The following ZFHX3 variants were observed in gnomAD, a reference collection of about 807,000 sequenced individuals.
The protein encoded by ZFHX3 is zinc finger homeobox 3, also known as zinc finger homeobox protein 3.
In ZFHX3, 42 loss-of-function variants were observed where a neutral mutation model predicts 279.1. The ratio of observed to expected loss-of-function variants is 0.15; its 90% confidence interval spans 0.12 to 0.19. The LOEUF (loss-of-function observed/expected upper bound fraction) is 0.19, where lower values mean the gene tolerates loss of function less well. ZFHX3 is among the 10% of genes least tolerant of loss of function. The pLI is 1.00. For synonymous variants in ZFHX3, 2,293 were observed against 1,957.8 expected, an observed-to-expected ratio of 1.17 and a Z score of -4.52; for missense variants, 4,981 against 4,754.0, an observed-to-expected ratio of 1.05 and a Z score of -1.40.
chr16:73,559,324 G>A (rs185516210), intron 2 of ZFHX3, among the ~76,000 whole-genome samples: 3 of 152,114 alleles, frequency 2.0e-5, no homozygotes, highest in Middle Eastern at 6.8e-3. Context: ...TTGGGATTAC[G>A]ATCATGAGCC....
intron 1 of ZFHX3, among the ~76,000 whole-genome samples, chr16:73,691,537 T>G (rs2053149924): frequency 6.6e-6 from 1 of 152,216 alleles, no homozygotes; most frequent in Non-Finnish European, 1.5e-5. Context: ...TTCAAAATAG[T>G]TGTAATAACA....
chr16:73,327,024 T>C (rs1235248586), intron 3 of ZFHX3, among the ~76,000 whole-genome samples: 1 of 152,216 alleles, frequency 6.6e-6, no homozygotes, highest in African/African-American at 2.4e-5. Flanking sequence ...GGAAACCGTA[T>C]CTCAAAAGGC....
At chr16:73,848,992 C>A (rs1335232700) in intron 1 of ZFHX3, among the ~76,000 whole-genome samples, 1 of 152,182 alleles carries the variant, frequency 6.6e-6, no homozygotes, top group Non-Finnish European at 1.5e-5. Context: ...CTGTTCAGTT[C>A]ACTGGTATTT....
intron 1 of ZFHX3, among the ~76,000 whole-genome samples, chr16:73,834,663 C>A (rs574252677): frequency 6.6e-6 from 1 of 152,166 alleles, no homozygotes; most frequent in Non-Finnish European, 1.5e-5. Context: ...GAGGCCCAGG[C>A]GGGCAGATCA....
chr16:72,838,495 G>A (rs1597294750), intron 4 of ZFHX3, among the ~76,000 whole-genome samples: 1 of 152,326 alleles, frequency 6.6e-6, no homozygotes, highest in South Asian at 2.1e-4. Context: ...CGAGTCCAAA[G>A]TGGCCAGGGC....
intron 1 of ZFHX3, among the ~76,000 whole-genome samples, chr16:73,882,759 G>T (rs2030212720): frequency 6.6e-6 from 1 of 151,648 alleles, no homozygotes; most frequent in Non-Finnish European, 1.5e-5. Flanking sequence ...TTTTTTTTAA[G>T]CTTCTTGGGT....
intron 2 of ZFHX3, chr16:73,500,311 GT>G (rs536770322): frequency 6.5e-6 from 1 of 153,972 alleles, no homozygotes; most frequent in Non-Finnish European, 1.4e-5. Context: ...TTGGGTTTTT[GT>G]TTTTTTGTTT....
In ZFHX3 at chr16:72,950,962, C is replaced by T; in HGVS notation, c.2723G>A (p.Gly908Asp). 6.2e-7 allele frequency: 1 copy of T among 1,611,122 alleles called. No homozygotes were observed. The highest frequency in any genetic ancestry group is 8.5e-7 in the Non-Finnish European group (1 of 1,177,800). Residue 908 changes from glycine (G) to aspartate (D), a missense_variant, in exon 3 of 10, where the codon GGC becomes GAC. Physicochemically the swap from Gly to Asp is moderately conservative, Grantham distance 94. Around this residue, in one of 7 missense-constraint regions of ZFHX3, gnomAD observed 1,751 missense variants for 1,770.0 expected, o/e 0.99. Transcript: ENST00000268489. ...PMAAMTPALVGGEIPLDMRLG... is the reference protein window; with the variant it reads ...PMAAMTPALVDGEIPLDMRLG... Reference sequence around the variant, plus strand: ...CCGCATGTCTAGGGGGATCTCACCGCCCACTGCAGGGAAGGAGAGAAGGAG... The same window carrying T: ...CCGCATGTCTAGGGGGATCTCACCGTCCACTGCAGGGAAGGAGAGAAGGAG...
chr16:73,390,647 C>T (rs991410661), intron 3 of ZFHX3, among the ~76,000 whole-genome samples: 2 of 152,102 alleles, frequency 1.3e-5, no homozygotes, highest in East Asian at 1.9e-4. Context: ...GGGATACAAT[C>T]GGTATTAGTG....
intron 4 of ZFHX3, among the ~76,000 whole-genome samples, chr16:73,317,252 G>T (rs947263717): frequency 7.3e-6 from 1 of 136,106 alleles, no homozygotes; most frequent in Non-Finnish European, 1.5e-5. Context: ...TTCCAGGGCC[G>T]CTTTCCCTTT....
At chr16:73,281,327 G>A (rs927858974) in intron 4 of ZFHX3, among the ~76,000 whole-genome samples, 1 of 152,182 alleles carries the variant, frequency 6.6e-6, no homozygotes, top group Non-Finnish European at 1.5e-5. Flanking sequence ...TGCCATTTGT[G>A]ACACCATGGA....
Position 73,759,705 on chromosome 16 carries a change from C to T in ZFHX3, c.-1607-79465G>A, listed in dbSNP as rs918779473. Among the ~76,000 whole-genome samples, 4 of 152,114 alleles carry T rather than the reference C, an allele frequency of 2.6e-5. No homozygotes were observed. In the South Asian group the frequency reaches 8.3e-4, roughly 31 times the overall value. On this transcript the variant is annotated intron_variant, in intron 1 of 17. Transcript: ENST00000641206. ...AAATGGGATCCTTGATTCTCATAAA[C>T]CCTTAAACTGGAGGATACTTTGGTT...
chr16:72,790,720 T>G (rs1301250968), intron 9 of ZFHX3: 2 of 152,202 alleles, frequency 1.3e-5, no homozygotes, highest in Non-Finnish European at 2.9e-5. Context: ...ACTTGTTGGT[T>G]AAATTGGCAC....
intron 3 of ZFHX3, among the ~76,000 whole-genome samples, chr16:73,390,232 A>G (rs887963632): frequency 6.6e-6 from 1 of 152,048 alleles, no homozygotes; most frequent in African/African-American, 2.4e-5. Flanking sequence ...TTGGTGGTTA[A>G]TATCCCTCTT....
chr16:73,464,836 T>A (rs1227477300), intron 2 of ZFHX3, among the ~76,000 whole-genome samples: 2 of 152,200 alleles, frequency 1.3e-5, no homozygotes, highest in African/African-American at 4.8e-5. Flanking sequence ...CTTTGTCAAA[T>A]GGGAAAGTTC....
chr16:73,318,189 A>C (rs2015497337), intron 4 of ZFHX3: 1 of 152,118 alleles, frequency 6.6e-6, no homozygotes, highest in Admixed American at 6.5e-5. Context: ...AAAACAAAAC[A>C]AAACAAAATA....
intron 2 of ZFHX3, among the ~76,000 whole-genome samples, chr16:73,537,004 T>C (rs1233427871): frequency 6.6e-6 from 1 of 152,160 alleles, no homozygotes; most frequent in Non-Finnish European, 1.5e-5. Flanking sequence ...TTCATGTTAA[T>C]TTGCCTTAGG....
intron 1 of ZFHX3, among the ~76,000 whole-genome samples, chr16:73,789,051 GAT>G (rs1235048658): frequency 3.3e-5 from 5 of 150,072 alleles, no homozygotes; most frequent in Admixed American, 6.7e-5. Flanking sequence ...TCTATATATA[GAT>G]ATCTTATATA....
chr16:73,209,462 A>G (rs927168573), intron 5 of ZFHX3, among the ~76,000 whole-genome samples: 2 of 152,144 alleles, frequency 1.3e-5, no homozygotes, highest in Non-Finnish European at 2.9e-5. Flanking sequence ...TGAATGCCGC[A>G]TCCTTTTATA....
Sources: allele counts gnomAD v4.1 joint callset (sites outside exome capture counted in the v4.1 genomes callset), GRCh38; gene constraint gnomAD v4.1.1; regional missense constraint gnomAD v4.1.1; transcripts MANE v1.5; gene names NCBI Gene and HGNC (gene_info 2026-07-23, HGNC 2026-07-21).